CAND1: variants seen among roughly 807,000 people sequenced by gnomAD.
CAND1 encodes the protein cullin associated and neddylation dissociated 1.
CAND1 carries 7 observed loss-of-function variants against 108.5 expected under a neutral mutation model. The ratio of observed to expected loss-of-function variants is 0.06; its 90% CI spans 0.04 to 0.12. The LOEUF is 0.12. Among genes scored for constraint, CAND1 ranks in the 10% least tolerant of loss-of-function variants. CAND1 has a pLI of 1.00. For synonymous variants in CAND1, 534 were observed against 512.0 expected, an observed-to-expected ratio of 1.04 and a Z score of -0.58; for missense variants, 941 against 1,448.7, an observed-to-expected ratio of 0.65 and a Z score of 5.69.
In CAND1 at chr12:67,305,466, C is replaced by T. The variant is rs2136017203; in HGVS notation, c.1798C>T (p.Leu600Phe). ...CTGTATGGGACAAATTATTTGCAAC[C>T]TTGGAGACAATTTGGGTTCTGACTT... ...ISCMGQIICN[L>F]GDNLGSDLPN... is the part of the protein sequence containing the mutation. Residue 600 changes from leucine (L) to phenylalanine (F), a missense_variant, in exon 10 of 15, where the codon CTT (leucine) becomes TTT (phenylalanine). This residue lies in a region of CAND1 where 697 missense variants were observed against 942.0 expected (regional missense o/e 0.74). Transcript: ENST00000545606. The surrounding 1 kb of genome is among the most constrained non-coding windows in gnomAD (Gnocchi z 4.4). 2 of 1,613,618 alleles carry T rather than the reference C, an allele frequency of 1.2e-6. No individual in the cohort carries two copies. The highest frequency in any genetic ancestry group is 2.2e-5 in the East Asian group (1 of 44,864).
At chr12:67,293,974 GTAAT>G (rs1426758436) in intron 3 of CAND1, among the ~76,000 whole-genome samples, 1 of 152,080 alleles carries the variant, frequency 6.6e-6, no homozygotes, top group African/African-American at 2.4e-5. Flanking sequence ...AGTTGGGTGA[GTAAT>G]TGGGTAAAGA....
intron 8 of CAND1, 96 bp from the exon 9 acceptor site, chr12:67,304,507 TAA>T: frequency 1.5e-6 from 2 of 1,291,806 alleles, no homozygotes; most frequent in Non-Finnish European, 2.1e-6. Flanking sequence ...CAAAAAAAGA[TAA>T]ACTCTTCCCT....
intron 12 of CAND1, 32 bp from the exon 13 acceptor site, chr12:67,310,120 G>T (rs768907585): frequency 1.9e-4 from 303 of 1,610,052 alleles, no homozygotes; most frequent in Non-Finnish European, 2.4e-4. Context: ...CTTAAGTATT[G>T]TATATCCACA....
chr12:67,299,663 C>T (rs2044805561), intron 7 of CAND1, among the ~76,000 whole-genome samples: 1 of 152,110 alleles, frequency 6.6e-6, no homozygotes, highest in East Asian at 1.9e-4. Flanking sequence ...TAGCTTACAA[C>T]ATTTCTGAGG....
chr12:67,308,293 A>T (rs767206230), intron 11 of CAND1, among the ~76,000 whole-genome samples: 14 of 152,102 alleles, frequency 9.2e-5, no homozygotes, highest in Admixed American at 2.0e-4. Context: ...ATAGAAAGGG[A>T]TTGCCAATTC....
At chr12:67,306,697 A>G (rs1379174407) in intron 10 of CAND1, 100 bp downstream of exon 10, 2 of 898,242 alleles carry the variant, frequency 2.2e-6, no homozygotes, top group Middle Eastern at 2.3e-4. Flanking sequence ...ATATTTTCTT[A>G]AACCTAAAAG....
At position 67,269,595 on chromosome 12, in the gene CAND1, T is replaced by G; in HGVS notation, c.-123T>G. ...TCCCTAGTCAGCGTCGGCGTCGCGC[T>G]GCGACCCTGGAAGCGGGAGCCGCCG... On this transcript the variant is annotated 5_prime_UTR_variant, in exon 1 of 15. Transcript: ENST00000545606. 2 of 787,130 alleles carry G rather than the reference T, an allele frequency of 2.5e-6. No homozygotes were observed. 48.8% of individuals were successfully genotyped at this position (787,130 alleles called of 1,614,324 possible). A position where few individuals can be genotyped will look rare whatever the true frequency, so the allele number is the denominator to read the frequency against.
chr12:67,309,281 A>T (rs946844299), intron 11 of CAND1, among the ~76,000 whole-genome samples: 8 of 151,954 alleles, frequency 5.3e-5, no homozygotes, highest in African/African-American at 1.9e-4. Flanking sequence ...GACTTTTAAA[A>T]TACCTAGATG....
At chr12:67,295,260 C>A (rs1286614271) in intron 4 of CAND1, 104 bp downstream of exon 4, 4 of 1,073,826 alleles carry the variant, frequency 3.7e-6, no homozygotes, top group Non-Finnish European at 5.1e-6. Context: ...AGAAATTATT[C>A]ATATTTAAAT....
chr12:67,310,450 C>A (rs2044937101), intron 13 of CAND1, 134 bp downstream of exon 13: 1 of 625,538 alleles, frequency 1.6e-6, no homozygotes, highest in East Asian at 2.8e-5. Context: ...ATATTGTAAA[C>A]TATAAAGTGC....
intron 1 of CAND1, among the ~76,000 whole-genome samples, chr12:67,271,164 A>C (rs1023034724): frequency 1.3e-5 from 2 of 152,244 alleles, no homozygotes; most frequent in African/African-American, 4.8e-5. Context: ...TAAAAATTTT[A>C]GTATTGTAAC....
chr12:67,295,865 T>C (rs1257620764), intron 4 of CAND1, among the ~76,000 whole-genome samples: 1 of 152,178 alleles, frequency 6.6e-6, no homozygotes, highest in Non-Finnish European at 1.5e-5. Flanking sequence ...AGAACACCGA[T>C]GGCTACAGGG....
At chr12:67,272,448 CAG>C (rs1489032638) in intron 1 of CAND1, among the ~76,000 whole-genome samples, 1 of 152,090 alleles carries the variant, frequency 6.6e-6, no homozygotes, top group Non-Finnish European at 1.5e-5. Context: ...TTCATTAATA[CAG>C]AGAAGGTAAA....
intron 1 of CAND1, chr12:67,270,229 C>G (rs1342107045): frequency 6.2e-6 from 1 of 161,182 alleles, no homozygotes; most frequent in African/African-American, 2.4e-5. Context: ...GCTGCCCACT[C>G]GGGGACCCGG....
intron 2 of CAND1, among the ~76,000 whole-genome samples, chr12:67,291,867 A>G (rs1592612873): frequency 2.0e-5 from 3 of 151,988 alleles, no homozygotes; most frequent in Admixed American, 6.6e-5. Flanking sequence ...TAATTCGCCT[A>G]TTGATTGATT....
chr12:67,271,168 T>C (rs560473526), intron 1 of CAND1, among the ~76,000 whole-genome samples: 4 of 152,376 alleles, frequency 2.6e-5, no homozygotes, highest in South Asian at 2.1e-4. Context: ...AATTTTAGTA[T>C]TGTAACTTTT....
chr12:67,312,471 A>G, intron 14 of CAND1, 135 bp from the exon 15 acceptor site: 1 of 505,588 alleles, frequency 2.0e-6, no homozygotes, highest in Non-Finnish European at 3.5e-6. Context: ...GTTTAAAAAC[A>G]GTTGTTCTTA....
intron 1 of CAND1, among the ~76,000 whole-genome samples, chr12:67,281,157 TAGTAAATAC>T (rs1463582320): frequency 6.6e-6 from 1 of 151,176 alleles, no homozygotes; most frequent in Non-Finnish European, 1.5e-5. Flanking sequence ...TATTTTTGTA[TAGTAAATAC>T]TAAAAATACA....
At chr12:67,291,477 A>G (rs942570818) in intron 2 of CAND1, among the ~76,000 whole-genome samples, 7 of 152,194 alleles carry the variant, frequency 4.6e-5, no homozygotes, top group African/African-American at 1.4e-4. Context: ...TTTATCTGAA[A>G]TGCTTGTGAC....
Sources: gnomAD v4.1 joint callset for allele counts (sites outside exome capture counted in the v4.1 genomes callset) on GRCh38, gnomAD v4.1.1 for gene constraint, gnomAD v4.1.1 regional missense constraint, Gnocchi (gnomAD v3.1) non-coding constraint, MANE v1.5 for transcripts, NCBI Gene and HGNC (gene_info 2026-07-23, HGNC 2026-07-21) for gene names.